RBM34: variants seen among roughly 807,000 people sequenced by gnomAD.
RBM34 encodes the protein RNA-binding protein 34.
RBM34 carries 39 observed loss-of-function variants against 44.6 expected under a neutral mutation model. That is an observed-to-expected ratio of 0.87 (90% CI 0.68 to 1.14). The LOEUF is 1.14. RBM34 is among the 50% of genes most tolerant of loss of function. The probability of loss-of-function intolerance (pLI) is 0.00; values close to 1 mark genes in which losing one functional copy is unlikely to be tolerated. For missense variants in RBM34, 572 were observed against 517.9 expected, an observed-to-expected ratio of 1.10 and a Z score of -1.01; for synonymous variants, 194 against 184.0, an observed-to-expected ratio of 1.05 and a Z score of -0.44.
intron 3 of RBM34, among the ~76,000 whole-genome samples, chr1:235,156,983 G>A (rs1424632073): frequency 2.0e-5 from 3 of 152,210 alleles, no homozygotes; most frequent in Admixed American, 6.5e-5. Flanking sequence ...CCTGAGGACA[G>A]GGTCCATGTC....
At chr1:235,133,040 T>C (rs1391074557) in intron 10 of RBM34, among the ~76,000 whole-genome samples, 1 of 152,120 alleles carries the variant, frequency 6.6e-6, no homozygotes, top group African/African-American at 2.4e-5. Flanking sequence ...TCCAAACTTT[T>C]GGGGAAAAAA....
At position 235,148,415 on chromosome 1, in the gene RBM34, C is replaced by G. The variant is rs1391244067; in HGVS notation, c.690G>C (p.Leu230Phe). The G allele has an allele frequency of 6.3e-7, 1 of 1,595,388 alleles. No individual in the cohort carries two copies. Among genetic ancestry groups the G allele is most frequent in the African/African-American group, 1.4e-5 (1 of 73,884 alleles). Residue 230 changes from leucine to phenylalanine, a missense_variant, in exon 6 of 11, where the codon TTG (leucine) becomes TTC (phenylalanine). Transcript: ENST00000408888. Reference protein sequence around the residue: ...IPAEGTLSKKLAAIKRKIHPD... With the variant: ...IPAEGTLSKKFAAIKRKIHPD... ...AATTATAAACTTACTTTATTGCTGC[C>G]AACTTTTTGGATAGCGTTCCCTCTG... is the stretch of plus-strand genomic sequence containing the variant.
At chr1:235,157,089 CA>C (rs1489771637) in intron 3 of RBM34, among the ~76,000 whole-genome samples, 2 of 152,152 alleles carry the variant, frequency 1.3e-5, no homozygotes, top group Admixed American at 1.3e-4. Context: ...GAGAGACCTT[CA>C]GTGTTACACG....
intron 10 of RBM34, among the ~76,000 whole-genome samples, chr1:235,132,286 T>C (rs1484016198): frequency 6.6e-6 from 1 of 152,160 alleles, no homozygotes; most frequent in Non-Finnish European, 1.5e-5. Flanking sequence ...TAGACTAGAT[T>C]AGTCATATGC....
intron 3 of RBM34, among the ~76,000 whole-genome samples, chr1:235,157,697 C>T (rs1662509444): frequency 6.6e-6 from 1 of 152,130 alleles, no homozygotes; most frequent in Non-Finnish European, 1.5e-5. Flanking sequence ...GAAAAGATAC[C>T]ACAGTAACAC....
At chr1:235,160,406 TGAAA>T in intron 3 of RBM34, 101 bp downstream of exon 3, 2 of 1,426,508 alleles carry the variant, frequency 1.4e-6, no homozygotes, top group Non-Finnish European at 1.9e-6. Flanking sequence ...ATAAAAGTTT[TGAAA>T]GAAAGTAGAA....
chr1:235,134,542 C>A (rs527511440), intron 10 of RBM34, among the ~76,000 whole-genome samples: 2 of 152,072 alleles, frequency 1.3e-5, no homozygotes, highest in Admixed American at 1.3e-4. Context: ...TAATTTTGTA[C>A]AAAGAATAAA....
At chr1:235,152,185 C>G (rs1433385807) in intron 5 of RBM34, among the ~76,000 whole-genome samples, 1 of 151,720 alleles carries the variant, frequency 6.6e-6, no homozygotes, top group Non-Finnish European at 1.5e-5. Flanking sequence ...ATAAATGATA[C>G]TTATTTCCTG....
Position 235,131,932 on chromosome 1 carries a change from TC to T in RBM34, c.1073del (p.Arg358LysfsTer20). ...TTTCTTTATTAACAGAACGCATGAC[TC>T]TGAGTTTTCTCCCCATGAGTTCAGA... Reference protein sequence around the residue: ...NNSELMGRKLRVMRSVNKEKF... With the variant: ...NNSELMGRKLXVMRSVNKEKF... On this transcript the variant is annotated frameshift_variant, in exon 11 of 11. Transcript: ENST00000408888. LOFTEE classifies it high-confidence loss of function. 2 of 1,612,336 alleles carry T rather than the reference TC, an allele frequency of 1.2e-6. No homozygotes were observed. Among genetic ancestry groups the T allele is most frequent in the Non-Finnish European group, 1.7e-6 (2 of 1,178,750 alleles).
At chr1:235,158,331 C>T (rs146477128) in intron 3 of RBM34, among the ~76,000 whole-genome samples, 3 of 151,536 alleles carry the variant, frequency 2.0e-5, no homozygotes, top group Admixed American at 1.3e-4. Flanking sequence ...GCAGGAGAAT[C>T]GCTTGAACCC....
rs1306428106 is a variant in RBM34 at position 235,160,365 on chromosome 1, C to T, written c.365+146G>A. On this transcript the variant is annotated intron_variant, in intron 3 of 10. Coordinates refer to ENST00000408888, the MANE Select transcript of RBM34 (RefSeq NM_015014.4). ...AGTACACGGGGTTTCTTAGCCTTTT[C>T]AACTTTTCTATATGTACTGGATTTT... 3 of 1,105,246 alleles carry T rather than the reference C, an allele frequency of 2.7e-6. No individual in the cohort carries two copies. In the African/African-American group the frequency reaches 4.7e-5, roughly 17 times the overall value. The allele number at this position is 1,105,246 out of a possible 1,614,324, so 68.5% of individuals were successfully genotyped here. A position where few individuals can be genotyped will look rare whatever the true frequency, so the allele number is the denominator to read the frequency against.
chr1:235,151,973 C>A (rs1662176823), intron 5 of RBM34, among the ~76,000 whole-genome samples: 1 of 151,912 alleles, frequency 6.6e-6, no homozygotes, highest in Admixed American at 6.6e-5. Context: ...GCGAAGGGTG[C>A]AGTGAGCTGA....
In RBM34 at chr1:235,161,116, C is replaced by G. The variant is rs752037836; in HGVS notation, c.54-49G>C. The G allele has an allele frequency of 7.5e-6, 12 of 1,605,394 alleles. No individual in the cohort carries two copies. The East Asian group carries it at 9.0e-5, about 12-fold the overall frequency. On this transcript the variant is annotated intron_variant, in intron 1 of 10. Coordinates refer to ENST00000408888, the MANE Select transcript of RBM34 (RefSeq NM_015014.4). ...AGCCACGCCACGCACCACCGCTTCG[C>G]CAGCACGAGGGAACGTACAACATCC... is the stretch of plus-strand genomic sequence containing the variant.
Position 235,148,700 on chromosome 1 carries a change from A to G in RBM34, c.658-253T>C, listed in dbSNP as rs533586217. The stretch of plus-strand genomic sequence containing the variant: ...TGCAAGCTCCACCTGCTGGGTTCAC[A>G]ACATTCTCCTGCCTCAGCCTCCTGA... On this transcript the variant is annotated intron_variant, in intron 5 of 10. Transcript: ENST00000408888. 5.9e-5 allele frequency among the ~76,000 whole-genome samples: 9 copies of G among 151,940 alleles called. No individual in the cohort carries two copies. In the East Asian group the frequency reaches 1.7e-3, roughly 30 times the overall value.
At position 235,131,740 on chromosome 1, in the gene RBM34, G is replaced by C; in HGVS notation, c.1266C>G (p.Arg422=). Residue 422 remains arginine (R), a synonymous_variant, in exon 11 of 11, where the codon CGC becomes CGG. Transcript: ENST00000408888. The stretch of plus-strand genomic sequence containing the variant: ...ATTTCTGTTTTCTCTGTTTCTTAGG[G>C]CGTCCACTTTTCTTCTGTCCTTTCT... ...TKKKGQKKSG[R]PKKQRKQK is the part of the protein sequence containing the mutation. 1 of 1,602,396 alleles carries C rather than the reference G, an allele frequency of 6.2e-7. No homozygotes were observed. The highest frequency in any genetic ancestry group is 8.5e-7 in the Non-Finnish European group (1 of 1,176,152).
At chr1:235,140,606 C>A (rs1661642168) in intron 6 of RBM34, among the ~76,000 whole-genome samples, 1 of 152,206 alleles carries the variant, frequency 6.6e-6, no homozygotes, top group South Asian at 2.1e-4. Context: ...GCGGCCCGAG[C>A]CTCCCCGAGG....
rs549557187 is a variant in RBM34, at chr1:235,142,467, C to T, written c.702-4293G>A. Among the ~76,000 whole-genome samples, 272 of 151,744 alleles carry T rather than the reference C, an allele frequency of 1.8e-3. 1 individual carries two copies. Among genetic ancestry groups the T allele is most frequent in the Middle Eastern group, 3.4e-3 (1 of 294 alleles). ...CTAATTTTTGTATTTTTAGTAGAGA[C>T]GGGGTTTCACCACGTTGGCCAGGCT... On this transcript the variant is annotated intron_variant, in intron 6 of 10. Coordinates refer to ENST00000408888, the MANE Select transcript of RBM34 (RefSeq NM_015014.4).
rs369671254 is a variant in RBM34, at chr1:235,152,688, C to T, written c.657+18G>A. On this transcript the variant is annotated intron_variant, in intron 5 of 10. Coordinates refer to ENST00000408888, the MANE Select transcript of RBM34 (RefSeq NM_015014.4). ...TAAATTTTAATATTATGTAATTTTACGGGGGAATGAAACATACCAGAGAAC... is the reference window on the plus strand; with the variant it reads ...TAAATTTTAATATTATGTAATTTTATGGGGGAATGAAACATACCAGAGAAC... The T allele has an allele frequency of 6.3e-6, 10 of 1,592,864 alleles. No homozygotes were observed. The highest frequency in any genetic ancestry group is 4.5e-5 in the East Asian group (2 of 44,388).
intron 6 of RBM34, among the ~76,000 whole-genome samples, chr1:235,147,740 ACATT>A (rs1471918714): frequency 6.6e-6 from 1 of 152,230 alleles, no homozygotes; most frequent in Non-Finnish European, 1.5e-5. Flanking sequence ...TTTCTAAAGT[ACATT>A]ATTATATTTT....
Sources: allele counts gnomAD v4.1 joint callset (sites outside exome capture counted in the v4.1 genomes callset), GRCh38; gene constraint gnomAD v4.1.1; transcripts MANE v1.5; gene names NCBI Gene and HGNC (gene_info 2026-07-23, HGNC 2026-07-21).